Variants in KSR2 observed in about 807,000 individuals in gnomAD.
KSR2 encodes the protein kinase suppressor of ras 2.
Under a neutral mutation model 107.8 loss-of-function variants are expected in KSR2, and 25 were observed. The ratio of observed to expected loss-of-function variants is 0.23; its 90% confidence interval spans 0.17 to 0.32. KSR2 has a LOEUF of 0.32. KSR2 is among the 10% of genes least tolerant of loss of function. The pLI is 1.00. For missense variants in KSR2, 887 were observed against 1,268.9 expected, an observed-to-expected ratio of 0.70 and a Z score of 4.57; for synonymous variants, 480 against 507.0, an observed-to-expected ratio of 0.95 and a Z score of 0.71.
rs149601483 is a variant in KSR2 at position 117,628,917 on chromosome 12, C to T, written c.1171+38557G>A. Among the ~76,000 whole-genome samples the T allele has an allele frequency of 5.9e-5, 9 of 152,346 alleles. No homozygotes were observed. The East Asian group carries it at 1.7e-3, about 29-fold the overall frequency. ...CTCAAGCTTTAGCAATGGTGGCTGC[C>T]CCTCCCCTAGCCAGGCTGCTGTCTG... On this transcript the variant is annotated intron_variant, in intron 5 of 19. Coordinates refer to ENST00000339824, the MANE Select transcript of KSR2 (RefSeq NM_173598.6).
chr12:117,900,109 T>C (rs914448113), intron 1 of KSR2, among the ~76,000 whole-genome samples: 2 of 152,218 alleles, frequency 1.3e-5, no homozygotes, highest in African/African-American at 4.8e-5. Context: ...GGATGTCTGA[T>C]CCACAGAAAC....
chr12:117,931,935 G>A (rs1349593407), intron 1 of KSR2, among the ~76,000 whole-genome samples: 1 of 152,162 alleles, frequency 6.6e-6, no homozygotes, highest in Non-Finnish European at 1.5e-5. Context: ...CAAAGACATG[G>A]AGGACATTAT....
Position 117,505,782 on chromosome 12 carries a change from C to A in KSR2, c.2219+19070G>T, listed in dbSNP as rs76739263. Among the ~76,000 whole-genome samples, 1,319 of 152,326 alleles carry A rather than the reference C, an allele frequency of 8.7e-3. 16 individuals carry two copies. Among genetic ancestry groups the A allele is most frequent in the African/African-American group, 0.03 (1,257 of 41,576 alleles). On this transcript the variant is annotated intron_variant, in intron 14 of 19. Transcript: ENST00000339824. ...CAAATGTGACCTCTTTTTTCTGCCACCTTCTTGCTTCTGTCTATGCTGTTC... is the reference window on the plus strand; with the variant it reads ...CAAATGTGACCTCTTTTTTCTGCCAACTTCTTGCTTCTGTCTATGCTGTTC...
chr12:117,552,716 G>T (rs930168780), intron 9 of KSR2, among the ~76,000 whole-genome samples: 4 of 152,210 alleles, frequency 2.6e-5, no homozygotes, highest in African/African-American at 9.6e-5. Context: ...TTTAGGCTTT[G>T]CAGGCCATGC....
At chr12:117,757,899 A>G (rs2136854968) in intron 4 of KSR2, among the ~76,000 whole-genome samples, 1 of 152,350 alleles carries the variant, frequency 6.6e-6, no homozygotes, top group African/African-American at 2.4e-5. Context: ...GTCTGGAACC[A>G]AACTCACAAT....
At position 117,927,563 on chromosome 12, in the gene KSR2, C is replaced by T. The variant is rs148734736; in HGVS notation, c.180+40513G>A. On this transcript the variant is annotated intron_variant, in intron 1 of 19. Transcript: ENST00000339824. Reference sequence around the variant, plus strand: ...CAAAAAGTAGCCGAGTGTGGTGGCACGAGCCTGTAATCCCATTTACTCGGG... The same window carrying T: ...CAAAAAGTAGCCGAGTGTGGTGGCATGAGCCTGTAATCCCATTTACTCGGG... Among the ~76,000 whole-genome samples the T allele has an allele frequency of 9.9e-5, 15 of 151,844 alleles. No homozygotes were observed. In the East Asian group the frequency reaches 2.3e-3, roughly 24 times the overall value.
At chr12:117,686,804 A>G (rs1885590137) in intron 4 of KSR2, among the ~76,000 whole-genome samples, 1 of 152,196 alleles carries the variant, frequency 6.6e-6, no homozygotes, top group South Asian at 2.1e-4. Context: ...GGAAAAAATA[A>G]ACAGAGAGTG....
chr12:117,795,200 C>A (rs1487950262), intron 3 of KSR2, among the ~76,000 whole-genome samples: 1 of 152,200 alleles, frequency 6.6e-6, no homozygotes, highest in Non-Finnish European at 1.5e-5. Context: ...GGAAGAAATT[C>A]ATTCTTTATT....
intron 1 of KSR2, among the ~76,000 whole-genome samples, chr12:117,871,986 T>A (rs1893669248): frequency 6.6e-6 from 1 of 152,184 alleles, no homozygotes; most frequent in African/African-American, 2.4e-5. Flanking sequence ...ATTACCTATA[T>A]GATAGTAAGT....
chr12:117,476,358 C>T (rs1297612834), intron 17 of KSR2, 106 bp downstream of exon 17: 4 of 1,362,024 alleles, frequency 2.9e-6, no homozygotes, highest in Non-Finnish European at 1.9e-6. Context: ...GCCACTTTGG[C>T]CCTGTAGACA....
At chr12:117,923,865 T>C (rs1470887141) in intron 1 of KSR2, among the ~76,000 whole-genome samples, 1 of 151,784 alleles carries the variant, frequency 6.6e-6, no homozygotes, top group East Asian at 1.9e-4. Flanking sequence ...GGAGTTGACA[T>C]TAATATATAT....
chr12:117,667,733 C>A, intron 4 of KSR2, 75 bp from the exon 5 acceptor site: 2 of 1,289,068 alleles, frequency 1.6e-6, no homozygotes, highest in Non-Finnish European at 2.1e-6. Flanking sequence ...GAGGCCCAGC[C>A]TTGTGTTTCC....
At chr12:117,861,717 G>A (rs1166161544) in intron 1 of KSR2, among the ~76,000 whole-genome samples, 2 of 152,030 alleles carry the variant, frequency 1.3e-5, no homozygotes, top group Non-Finnish European at 2.9e-5. Flanking sequence ...GGGGAGGGAA[G>A]AGGAAGGGTG....
intron 4 of KSR2, among the ~76,000 whole-genome samples, chr12:117,679,725 G>C (rs1020645905): frequency 6.6e-6 from 1 of 152,084 alleles, no homozygotes; most frequent in African/African-American, 2.4e-5. Context: ...TTATGGCTAG[G>C]GCATGGTTCT....
At chr12:117,864,649 C>G (rs906210107) in intron 1 of KSR2, among the ~76,000 whole-genome samples, 3 of 152,198 alleles carry the variant, frequency 2.0e-5, no homozygotes, top group Non-Finnish European at 2.9e-5. Flanking sequence ...CATGCTCCCC[C>G]TGAAGGCACT....
chr12:117,788,134 G>A (rs942937076), intron 3 of KSR2, among the ~76,000 whole-genome samples: 15 of 152,096 alleles, frequency 9.9e-5, no homozygotes, highest in African/African-American at 3.6e-4. Flanking sequence ...AGGACTCAGA[G>A]GTAAAACCAA....
At chr12:117,494,007 C>T (rs559080070) in intron 14 of KSR2, among the ~76,000 whole-genome samples, 5 of 152,230 alleles carry the variant, frequency 3.3e-5, no homozygotes, top group South Asian at 2.1e-4. Flanking sequence ...TCCCAGTCTC[C>T]GGTAGGTCTT....
chr12:117,651,577 T>C (rs990415994), intron 5 of KSR2, among the ~76,000 whole-genome samples: 1 of 151,880 alleles, frequency 6.6e-6, no homozygotes, highest in East Asian at 1.9e-4. Context: ...TATTGGGGAG[T>C]TAAAAAAAGG....
chr12:117,726,987 A>G (rs555370390), intron 4 of KSR2, among the ~76,000 whole-genome samples: 1 of 152,272 alleles, frequency 6.6e-6, no homozygotes, highest in Non-Finnish European at 1.5e-5. Flanking sequence ...GTAACTGTAA[A>G]TGTGACCTCA....
Sources: gnomAD v4.1 joint callset for allele counts (sites outside exome capture counted in the v4.1 genomes callset) on GRCh38, gnomAD v4.1.1 for gene constraint, MANE v1.5 for transcripts, NCBI Gene and HGNC (gene_info 2026-07-23, HGNC 2026-07-21) for gene names.